Variants in DERL2 observed in about 807,000 individuals in gnomAD.
The protein encoded by DERL2 is derlin 2, also known as derlin-2.
In DERL2, 13 loss-of-function variants were observed where a neutral mutation model predicts 32.0. The ratio of observed to expected loss-of-function variants is 0.41; its 90% CI spans 0.26 to 0.65. The LOEUF (loss-of-function observed/expected upper bound fraction) is 0.65, where lower values mean the gene tolerates loss of function less well. DERL2 is among the 30% of genes least tolerant of loss of function. The pLI, the probability that DERL2 is intolerant of heterozygous loss-of-function variation, is 0.35. For missense variants in DERL2, 208 were observed against 296.3 expected, an observed-to-expected ratio of 0.70 and a Z score of 2.19; for synonymous variants, 111 against 104.7, an observed-to-expected ratio of 1.06 and a Z score of -0.37.
rs1905223967 is a variant in DERL2, at chr17:5,473,678, A to T, written c.*1006T>A. The T allele has an allele frequency of 6.7e-6, 1 of 148,666 alleles. No homozygotes were observed. Among genetic ancestry groups the T allele is most frequent in the Admixed American group, 6.7e-5 (1 of 14,970 alleles). The allele number at this position is 148,666 out of a possible 1,614,324, so 9.2% of individuals were successfully genotyped here. A position where few individuals can be genotyped will look rare whatever the true frequency, so the allele number is the denominator to read the frequency against. ...GCAAAAAAAAAAAAAATGGCTGGGCATGGTGGCTCATGCCTGTCATCCTAG... is the reference window on the plus strand; with the variant it reads ...GCAAAAAAAAAAAAAATGGCTGGGCTTGGTGGCTCATGCCTGTCATCCTAG... On this transcript the variant is annotated 3_prime_UTR_variant, in exon 7 of 7. Transcript: ENST00000158771.
chr17:5,483,023 A>G (rs1166866679), intron 2 of DERL2, 141 bp from the exon 3 acceptor site: 1 of 441,520 alleles, frequency 2.3e-6, no homozygotes, highest in Non-Finnish European at 4.1e-6. Context: ...TCTGAAACAA[A>G]AACGGGGGCA....
intron 2 of DERL2, among the ~76,000 whole-genome samples, chr17:5,484,719 G>C (rs1403890216): frequency 6.6e-6 from 1 of 152,220 alleles, no homozygotes; most frequent in East Asian, 1.9e-4. Flanking sequence ...ATAACACCAA[G>C]GTGGTGGGTG....
upstream of DERL2, chr17:5,486,363 C>CCT (rs1555537964): frequency 3.9e-6 from 2 of 506,796 alleles, no homozygotes; most frequent in African/African-American, 4.0e-5. Flanking sequence ...ACCGCCCCCC[C>CCT]CCAGCGCCCC....
At chr17:5,484,924 C>G (rs529354698) in intron 2 of DERL2, among the ~76,000 whole-genome samples, 1 of 152,358 alleles carries the variant, frequency 6.6e-6, no homozygotes, top group African/African-American at 2.4e-5. Context: ...CTTGCAAATT[C>G]TGATTTGGTA....
intron 6 of DERL2, among the ~76,000 whole-genome samples, chr17:5,478,746 T>C (rs1004558559): frequency 1.3e-5 from 2 of 152,222 alleles, no homozygotes; most frequent in Admixed American, 6.5e-5. Flanking sequence ...ATCCATACCA[T>C]GGAATATCAC....
chr17:5,486,272 C>T (rs1416289748), upstream of DERL2: 2 of 857,698 alleles, frequency 2.3e-6, no homozygotes, highest in South Asian at 1.9e-5. Context: ...AGTTTTCCCG[C>T]GACTGCCCAA....
chr17:5,475,318 G>A (rs1905312148), intron 6 of DERL2, among the ~76,000 whole-genome samples: 1 of 150,044 alleles, frequency 6.7e-6, no homozygotes, highest in African/African-American at 2.5e-5. Context: ...GGAGTGCCAT[G>A]GTGCGATCTC....
chr17:5,477,821 C>G (rs1406419189), intron 6 of DERL2: 1 of 152,190 alleles, frequency 6.6e-6, no homozygotes, highest in Non-Finnish European at 1.5e-5. Flanking sequence ...AAAATATACA[C>G]ATGTATACAT....
In DERL2 at chr17:5,472,603, T is replaced by G. The variant is rs145936126; in HGVS notation, c.*2081A>C. ...CTTTAGGCTGTATATTCAAAATGTA[T>G]TTCCTGTTTTACCTAGTCATTAATG... is the stretch of plus-strand genomic sequence containing the variant. On this transcript the variant is annotated 3_prime_UTR_variant, in exon 7 of 7. Transcript: ENST00000158771. 121 of 152,320 alleles carry G rather than the reference T, an allele frequency of 7.9e-4. 1 individual carries two copies. The highest frequency in any genetic ancestry group is 2.5e-3 in the African/African-American group (104 of 41,570). The allele number at this position is 152,320 out of a possible 1,614,324, so 9.4% of individuals were successfully genotyped here.
Position 5,473,579 on chromosome 17 carries a change from A to G in DERL2, c.*1105T>C, listed in dbSNP as rs1905214977. The G allele has an allele frequency of 6.6e-6, 1 of 151,608 alleles. No homozygotes were observed. The highest frequency in any genetic ancestry group is 2.4e-5 in the African/African-American group (1 of 41,290). 9.4% of individuals were successfully genotyped at this position (151,608 alleles called of 1,614,324 possible). ...ACATTCTAACTTGGTTTCCAAATCT[A>G]ATGAAAATCTGAGACCCTGTCTCTA... On this transcript the variant is annotated 3_prime_UTR_variant, in exon 7 of 7. Transcript: ENST00000158771.
In DERL2 at chr17:5,486,170, C is replaced by T. The variant is rs768704266; in HGVS notation, c.-9G>A. ...AAGCTCTGGTACGCCATCTTCCCCA[C>T]CGTCGCCTGCCCCACCCCCCACCCA... On this transcript the variant is annotated 5_prime_UTR_variant, in exon 1 of 7. It adds an upstream start codon to the 5' untranslated region. Coordinates refer to ENST00000158771, the MANE Select transcript of DERL2 (RefSeq NM_016041.5). 14 of 1,579,550 alleles carry T rather than the reference C, an allele frequency of 8.9e-6. No homozygotes were observed. Among genetic ancestry groups the T allele is most frequent in the Non-Finnish European group, 1.2e-5 (14 of 1,163,054 alleles).
intron 6 of DERL2, among the ~76,000 whole-genome samples, chr17:5,476,481 A>T (rs1419750473): frequency 2.0e-5 from 3 of 152,170 alleles, no homozygotes; most frequent in Non-Finnish European, 4.4e-5. Flanking sequence ...AAAGGAAAGT[A>T]TATTAGAAAC....
Position 5,480,390 on chromosome 17 carries a change from A to G in DERL2, c.520T>C (p.Leu174=). The G allele has an allele frequency of 6.2e-7, 1 of 1,610,794 alleles. No homozygotes were observed. The highest frequency in any genetic ancestry group is 2.2e-5 in the East Asian group (1 of 44,824). The change falls in exon 5 of 7, where the codon TTG becomes CTG. Residue 174 remains leucine (L), a synonymous_variant. Coordinates refer to ENST00000158771, the MANE Select transcript of DERL2 (RefSeq NM_016041.5). ...AAAATAGTGAGAAGAGCCTTACCCAAAAGGTCCACAATGATTGAGTTCCCC... is the reference window on the plus strand; with the variant it reads ...AAAATAGTGAGAAGAGCCTTACCCAGAAGGTCCACAATGATTGAGTTCCCC... The part of the protein sequence containing the change: ...LLGNSIIVDL[L]GIAVGHIYFF...
At position 5,481,071 on chromosome 17, in the gene DERL2, A is replaced by G. The variant is rs1232874580; in HGVS notation, c.327+225T>C. 1.7e-6 allele frequency: 1 copy of G among 594,168 alleles called. No individual in the cohort carries two copies. The highest frequency in any genetic ancestry group is 3.0e-6 in the Non-Finnish European group (1 of 338,498). 36.8% of individuals were successfully genotyped at this position (594,168 alleles called of 1,614,324 possible). On this transcript the variant is annotated intron_variant, in intron 4 of 6. Coordinates refer to ENST00000158771, the MANE Select transcript of DERL2 (RefSeq NM_016041.5). The surrounding 1 kb of genome is among the most constrained non-coding windows in gnomAD (Gnocchi z 4.4). ...AAGTGAAGTACGCCAAGCAGTAATG[A>G]TATAACTGAGTTGCTTAACAGTAAC... is the stretch of plus-strand genomic sequence containing the variant.
At chr17:5,480,949 T>C (rs147545736) in intron 4 of DERL2, 16 of 524,164 alleles carry the variant, frequency 3.1e-5, no homozygotes, top group African/African-American at 1.8e-4. Context: ...GACCGTACCA[T>C]ATCTAAGTCT....
intron 6 of DERL2, among the ~76,000 whole-genome samples, chr17:5,477,674 G>C (rs571836514): frequency 1.6e-4 from 24 of 152,124 alleles, no homozygotes; most frequent in African/African-American, 5.8e-4. Context: ...ATTTTTTTCT[G>C]ATTTCCTATA....
At position 5,481,225 on chromosome 17, in the gene DERL2, G is replaced by A; in HGVS notation, c.327+71C>T. The A allele has an allele frequency of 9.2e-7, 1 of 1,091,832 alleles. No homozygotes were observed. 67.6% of individuals were successfully genotyped at this position (1,091,832 alleles called of 1,614,324 possible). A position where few individuals can be genotyped will look rare whatever the true frequency, so the allele number is the denominator to read the frequency against. ...AGCTAAGATCTAGAGAACTGTGGGA[G>A]ACAGATGACAAGCTTTAGGAAGAGC... On this transcript the variant is annotated intron_variant, in intron 4 of 6. Coordinates refer to ENST00000158771, the MANE Select transcript of DERL2 (RefSeq NM_016041.5). This position sits in a 1 kb window ranked among gnomAD's most constrained non-coding sequence, Gnocchi z 4.4.
At position 5,472,423 on chromosome 17, in the gene DERL2, G is replaced by C. The variant is rs1372714191; in HGVS notation, c.*2261C>G. 6.6e-6 allele frequency: 1 copy of C among 152,228 alleles called. No homozygotes were observed. The highest frequency in any genetic ancestry group is 2.4e-5 in the African/African-American group (1 of 41,446). 9.4% of individuals were successfully genotyped at this position (152,228 alleles called of 1,614,324 possible). ...TATCCTGTCAAGCAACACAGGGCTA[G>C]GAATGGTGGTTGTAGGGCTGGCCAA... On this transcript the variant is annotated 3_prime_UTR_variant, in exon 7 of 7. Coordinates refer to ENST00000158771, the MANE Select transcript of DERL2 (RefSeq NM_016041.5).
At chr17:5,476,654 G>A (rs950266844) in intron 6 of DERL2, among the ~76,000 whole-genome samples, 8 of 152,172 alleles carry the variant, frequency 5.3e-5, no homozygotes, top group Non-Finnish European at 1.2e-4. Context: ...GGTGGCGCAT[G>A]CCTATGATCC....
Sources: gnomAD v4.1 joint callset for allele counts (sites outside exome capture counted in the v4.1 genomes callset) on GRCh38, gnomAD v4.1.1 for gene constraint, Gnocchi (gnomAD v3.1) non-coding constraint, MANE v1.5 for transcripts, NCBI Gene and HGNC (gene_info 2026-07-23, HGNC 2026-07-21) for gene names.